The following PTPRG variants were observed in gnomAD, a reference collection of about 807,000 sequenced individuals.
The protein encoded by PTPRG is receptor-type tyrosine-protein phosphatase gamma.
A neutral mutation model predicts 165.3 loss-of-function variants in PTPRG; 102 were observed. The ratio of observed to expected loss-of-function variants is 0.62; its 90% confidence interval spans 0.53 to 0.73. The LOEUF (loss-of-function observed/expected upper bound fraction) is 0.73. Among genes scored for constraint, PTPRG ranks in the 30% least tolerant of loss-of-function variants. The pLI, the probability that PTPRG is intolerant of heterozygous loss-of-function variation, is 0.00. For synonymous variants in PTPRG, 675 were observed against 669.5 expected, an observed-to-expected ratio of 1.01 and a Z score of -0.13; for missense variants, 1,866 against 1,861.4, an observed-to-expected ratio of 1.00 and a Z score of -0.05.
At chr3:62,077,056 A>G (rs1701412417) in intron 4 of PTPRG, among the ~76,000 whole-genome samples, 2 of 152,174 alleles carry the variant, frequency 1.3e-5, no homozygotes, top group African/African-American at 4.8e-5. Context: ...GCTTGAGGCC[A>G]GGAGTTTGAA....
intron 4 of PTPRG, among the ~76,000 whole-genome samples, chr3:62,011,148 A>G (rs1249702804): frequency 6.6e-6 from 1 of 152,192 alleles, no homozygotes; most frequent in Non-Finnish European, 1.5e-5. Flanking sequence ...TCCAGTGCGC[A>G]TGCAGGCCCT....
intron 5 of PTPRG, among the ~76,000 whole-genome samples, chr3:62,084,837 A>C (rs1484884866): frequency 6.6e-6 from 1 of 152,144 alleles, no homozygotes; most frequent in Non-Finnish European, 1.5e-5. Context: ...ATACTGTGAG[A>C]TCATTGAGGC....
At chr3:61,964,393 T>C (rs183717827) in intron 2 of PTPRG, among the ~76,000 whole-genome samples, 1 of 152,280 alleles carries the variant, frequency 6.6e-6, no homozygotes, top group East Asian at 1.9e-4. Flanking sequence ...GGGGACTTTC[T>C]CAGATGGTTC....
At chr3:61,898,245 A>G (rs567780730) in intron 2 of PTPRG, among the ~76,000 whole-genome samples, 1 of 152,204 alleles carries the variant, frequency 6.6e-6, no homozygotes, top group East Asian at 1.9e-4. Context: ...TAGTGAGACA[A>G]GGTCTCACTA....
chr3:61,638,116 T>C (rs569644160), intron 1 of PTPRG, among the ~76,000 whole-genome samples: 12 of 152,350 alleles, frequency 7.9e-5, no homozygotes, highest in African/African-American at 2.9e-4. Flanking sequence ...CAAATCGTGG[T>C]ACAAAGTTAT....
intron 4 of PTPRG, among the ~76,000 whole-genome samples, chr3:62,008,777 G>A (rs111362659): frequency 0.056 from 8,578 of 152,148 alleles, 359 homozygotes; most frequent in African/African-American, 0.12. Context: ...TAGATCCCTC[G>A]CACGTGCAGT....
chr3:61,798,090 C>A (rs1190338361), intron 2 of PTPRG, among the ~76,000 whole-genome samples: 1 of 152,108 alleles, frequency 6.6e-6, no homozygotes, highest in African/African-American at 2.4e-5. Context: ...TTAAAATGCT[C>A]GTCTGCATTT....
At chr3:61,741,878 CAGTA>C (rs780797681) in intron 1 of PTPRG, among the ~76,000 whole-genome samples, 28 of 152,298 alleles carry the variant, frequency 1.8e-4, no homozygotes, top group Non-Finnish European at 3.1e-4. Context: ...TTGTCAAAAA[CAGTA>C]AGACATTCAT....
intron 1 of PTPRG, among the ~76,000 whole-genome samples, chr3:61,736,499 A>G (rs2032730503): frequency 2.0e-5 from 3 of 152,092 alleles, no homozygotes; most frequent in South Asian, 2.1e-4. Flanking sequence ...TTTGTGAACA[A>G]TCCTAATTCA....
intron 8 of PTPRG, among the ~76,000 whole-genome samples, chr3:62,189,663 A>G (rs1358840275): frequency 1.3e-5 from 2 of 151,988 alleles, no homozygotes; most frequent in Admixed American, 6.6e-5. Flanking sequence ...TCTTCCAGCA[A>G]TTGGCCATTG....
At chr3:62,289,074 G>C (rs561114409) in intron 28 of PTPRG, among the ~76,000 whole-genome samples, 2 of 152,298 alleles carry the variant, frequency 1.3e-5, no homozygotes, top group African/African-American at 4.8e-5. Context: ...GCCAATCTCT[G>C]TTCTGAGCCA....
At chr3:61,830,470 G>A (rs2036248533) in intron 2 of PTPRG, among the ~76,000 whole-genome samples, 1 of 151,498 alleles carries the variant, frequency 6.6e-6, no homozygotes, top group Admixed American at 6.6e-5. Context: ...GCTTCTCCAG[G>A]TTTGCTGATT....
At chr3:62,118,043 C>T (rs1206597119) in intron 5 of PTPRG, among the ~76,000 whole-genome samples, 1 of 152,126 alleles carries the variant, frequency 6.6e-6, no homozygotes, top group Admixed American at 6.5e-5. Context: ...TCATTGGTCT[C>T]TCCTCAGCCC....
chr3:61,945,560 CAAAAAAAAAAAAAAAAAA>C (rs71123242), intron 2 of PTPRG, among the ~76,000 whole-genome samples: 11 of 55,462 alleles, frequency 2.0e-4, no homozygotes, highest in African/African-American at 7.7e-4. Context: ...ACTCCGTCAC[CAAAAAAAAAAAAAAAAAA>C]AAAAAAAAAA....
chr3:62,102,658 G>GT (rs111451289), intron 5 of PTPRG, among the ~76,000 whole-genome samples: 13 of 151,192 alleles, frequency 8.6e-5, no homozygotes, highest in South Asian at 2.1e-4. Flanking sequence ...TAGGAAATCT[G>GT]TTTTTTTTTC....
At chr3:61,927,852 C>T (rs1340064106) in intron 2 of PTPRG, among the ~76,000 whole-genome samples, 4 of 152,144 alleles carry the variant, frequency 2.6e-5, no homozygotes, top group African/African-American at 4.8e-5. Flanking sequence ...TACAGTTCCT[C>T]TGTAAAGATT....
At chr3:61,565,365 G>C (rs937088542) in intron 1 of PTPRG, among the ~76,000 whole-genome samples, 5 of 152,068 alleles carry the variant, frequency 3.3e-5, no homozygotes, top group Non-Finnish European at 7.4e-5. Context: ...AAGCACTGTA[G>C]AAACGTTTAC....
chr3:62,088,465 C>T (rs551687435), intron 5 of PTPRG, among the ~76,000 whole-genome samples: 1 of 152,336 alleles, frequency 6.6e-6, no homozygotes, highest in South Asian at 2.1e-4. Flanking sequence ...CCCTGGCTAA[C>T]CAAGACTTGA....
At chr3:62,072,863 T>A (rs549822115) in intron 4 of PTPRG, among the ~76,000 whole-genome samples, 2 of 152,288 alleles carry the variant, frequency 1.3e-5, no homozygotes, top group African/African-American at 4.8e-5. Context: ...TTAAAGTTAC[T>A]AAGTCTTCGA....
Sources: gnomAD v4.1 joint callset for allele counts (sites outside exome capture counted in the v4.1 genomes callset) on GRCh38, gnomAD v4.1.1 for gene constraint, MANE v1.5 for transcripts, NCBI Gene and HGNC (gene_info 2026-07-23, HGNC 2026-07-21) for gene names.